The following EPHB6 variants were observed in gnomAD, a reference collection of about 807,000 sequenced individuals.
The protein encoded by EPHB6 is EPH receptor B6, also known as ephrin type-B receptor 6.
Under a neutral mutation model 107.0 loss-of-function variants are expected in EPHB6, and 51 were observed. The ratio of observed to expected loss-of-function variants is 0.48; its 90% CI spans 0.38 to 0.60. The LOEUF (loss-of-function observed/expected upper bound fraction) is 0.60, where lower values mean the gene tolerates loss of function less well. Among genes scored for constraint, EPHB6 ranks in the 20% least tolerant of loss-of-function variants. The probability of loss-of-function intolerance (pLI) is 0.00; values close to 1 mark genes in which losing one functional copy is unlikely to be tolerated. For missense variants in EPHB6, 1,141 were observed against 1,355.5 expected (o/e 0.84, Z 2.48); for synonymous variants, 553 against 549.0 (o/e 1.01, Z -0.10).
Position 142,869,974 on chromosome 7 carries a change from C to T in EPHB6, c.2610+8C>T, listed in dbSNP as rs919228310. ...GACATGAGTGAGCAGGAGGTGAGCA[C>T]TGACCTAGACACTGCTGATTTCCCA... On this transcript the variant is annotated splice_region_variant and intron_variant, in intron 17 of 19. Transcript: ENST00000652003. The surrounding 1 kb of genome is among the most constrained non-coding windows in gnomAD (Gnocchi z 4.5). 4 of 1,614,026 alleles carry T rather than the reference C, an allele frequency of 2.5e-6. No homozygotes were observed. The highest frequency in any genetic ancestry group is 1.3e-5 in the African/African-American group (1 of 74,892).
chr7:142,867,779 T>A lies in EPHB6; in HGVS notation c.1865+57T>A. 1 of 1,524,644 alleles carries A rather than the reference T, an allele frequency of 6.6e-7. No homozygotes were observed. The highest frequency in any genetic ancestry group is 8.9e-7 in the Non-Finnish European group (1 of 1,121,646). The allele number at this position is 1,524,644 out of a possible 1,614,324, so 94.4% of individuals were successfully genotyped here. ...GCACCATTAACTCCACAGCCAAACC[T>A]CAAGTCCTGCCAAGTCTGGAGCCCC... On this transcript the variant is annotated intron_variant, in intron 12 of 19. Transcript: ENST00000652003. The surrounding 1 kb of genome is among the most constrained non-coding windows in gnomAD (Gnocchi z 5.3).
chr7:142,859,117 G>T (rs1251523219), intron 1 of EPHB6, among the ~76,000 whole-genome samples: 1 of 145,338 alleles, frequency 6.9e-6, no homozygotes, highest in African/African-American at 2.5e-5. Context: ...GCACATTCTT[G>T]TGTTAGAGAA....
Position 142,866,072 on chromosome 7 carries a change from C to G in EPHB6, c.1218C>G (p.Val406=), listed in dbSNP as rs201397299. Residue 406 remains valine, a synonymous_variant, in exon 9 of 20, where the codon GTC becomes GTG. Transcript: ENST00000652003. This position sits in a 1 kb window ranked among gnomAD's most constrained non-coding sequence, Gnocchi z 5.2. ...LGGRGDLLFN[V]VCKECEGRQE... ...GTCGAGGGGACCTGCTCTTCAATGT[C>G]GTGTGCAAGGAGTGTGAAGGCCGCC... is the stretch of plus-strand genomic sequence containing the variant. 1 of 1,611,508 alleles carries G rather than the reference C, an allele frequency of 6.2e-7. No homozygotes were observed. The highest frequency in any genetic ancestry group is 1.1e-5 in the South Asian group (1 of 90,710).
chr7:142,868,631 G>A lies in EPHB6; in HGVS notation c.2178G>A (p.Gln726=), dbSNP rs767814301. The A allele has an allele frequency of 5.0e-6, 8 of 1,613,766 alleles. No homozygotes were observed. The African/African-American group carries it at 9.3e-5, about 19-fold the overall frequency. The change falls in exon 15 of 20, where the codon CAG becomes CAA. Residue 726 remains glutamine, a synonymous_variant. Transcript: ENST00000652003. This position sits in a 1 kb window ranked among gnomAD's most constrained non-coding sequence, Gnocchi z 4.2. ...TFLGRAAVLG[Q]FQHPNILRLE... The stretch of plus-strand genomic sequence containing the variant: ...TGGGCCGGGCCGCAGTGCTGGGTCA[G>A]TTCCAGCACCCCAACATCCTGCGGC...
Position 142,868,174 on chromosome 7 carries a change from A to C in EPHB6, c.1919-67A>C. The C allele has an allele frequency of 6.2e-7, 1 of 1,614,012 alleles. No individual in the cohort carries two copies. Among genetic ancestry groups the C allele is most frequent in the Non-Finnish European group, 8.5e-7 (1 of 1,179,958 alleles). ...CACAACCTTCTGGAGGTAAGTGGGC[A>C]TGTCTGGGGTGCGCGGGCAGCCCTG... On this transcript the variant is annotated intron_variant, in intron 13 of 19. Coordinates refer to ENST00000652003, the MANE Select transcript of EPHB6 (RefSeq NM_004445.6). The surrounding 1 kb of genome is among the most constrained non-coding windows in gnomAD (Gnocchi z 4.2).
At position 142,866,611 on chromosome 7, in the gene EPHB6, CAGG is replaced by C. The variant is rs751872238; in HGVS notation, c.1587+12_1587+14del. ...AGCTCCGCTACTATGACCAGGTGCG[CAGG>C]AGGAGTGGGGGTTCCGCAGTAGGGC... On this transcript the variant is annotated splice_region_variant and intron_variant, in intron 10 of 19. Coordinates refer to ENST00000652003, the MANE Select transcript of EPHB6 (RefSeq NM_004445.6). This position sits in a 1 kb window ranked among gnomAD's most constrained non-coding sequence, Gnocchi z 5.2. 1 of 1,613,934 alleles carries C rather than the reference CAGG, an allele frequency of 6.2e-7. No homozygotes were observed. The highest frequency in any genetic ancestry group is 1.7e-5 in the Admixed American group (1 of 60,020).
Position 142,866,467 on chromosome 7 carries a change from CT to C in EPHB6, c.1463-10del, listed in dbSNP as rs1249181368. 1.2e-6 allele frequency: 2 copies of C among 1,613,930 alleles called. No homozygotes were observed. Among genetic ancestry groups the C allele is most frequent in the African/African-American group, 2.7e-5 (2 of 74,914 alleles). ...GACTCCTATCCCCATAATAATTTTC[CT>C]TTTGCACTCTAGTGCCCTCTGCTGT... On this transcript the variant is annotated splice_polypyrimidine_tract_variant and intron_variant, in intron 9 of 19. Coordinates refer to ENST00000652003, the MANE Select transcript of EPHB6 (RefSeq NM_004445.6). The surrounding 1 kb of genome is among the most constrained non-coding windows in gnomAD (Gnocchi z 5.2).
Position 142,866,733 on chromosome 7 carries a change from A to C in EPHB6, c.1587+128A>C. ...CGCAACAGGGCTGGCAGGAGCTCAC[A>C]GTCCCCACAGTAGGGGCCAGAGGCT... On this transcript the variant is annotated intron_variant, in intron 10 of 19. Transcript: ENST00000652003. The surrounding 1 kb of genome is among the most constrained non-coding windows in gnomAD (Gnocchi z 5.2). The C allele has an allele frequency of 6.3e-7, 1 of 1,585,722 alleles. No homozygotes were observed. Among genetic ancestry groups the C allele is most frequent in the Non-Finnish European group, 8.6e-7 (1 of 1,159,316 alleles).
At position 142,863,110 on chromosome 7, in the gene EPHB6, C is replaced by T. The variant is rs1802922473; in HGVS notation, c.-101-17C>T. 2 of 797,716 alleles carry T rather than the reference C, an allele frequency of 2.5e-6. No homozygotes were observed. Among genetic ancestry groups the T allele is most frequent in the Non-Finnish European group, 4.1e-6 (2 of 482,704 alleles). The allele number at this position is 797,716 out of a possible 1,614,324, so 49.4% of individuals were successfully genotyped here. On this transcript the variant is annotated splice_polypyrimidine_tract_variant and intron_variant, in intron 4 of 19. Coordinates refer to ENST00000652003, the MANE Select transcript of EPHB6 (RefSeq NM_004445.6). The stretch of plus-strand genomic sequence containing the variant: ...TTTCTTCCCACCTGCCTCTTCTGGT[C>T]TTGTGTGTCTCCTCAGGAAGCAAGC...
In EPHB6 at chr7:142,867,977, G is replaced by A. The variant is rs1231509683; in HGVS notation, c.1866-20G>A. 1 of 1,563,598 alleles carries A rather than the reference G, an allele frequency of 6.4e-7. No individual in the cohort carries two copies. The highest frequency in any genetic ancestry group is 2.1e-4 in the Middle Eastern group (1 of 4,734). On this transcript the variant is annotated intron_variant, in intron 12 of 19. Coordinates refer to ENST00000652003, the MANE Select transcript of EPHB6 (RefSeq NM_004445.6). This position sits in a 1 kb window ranked among gnomAD's most constrained non-coding sequence, Gnocchi z 5.3. ...GGTGGAAATGGGAGCGTCATCCCCA[G>A]TCACCGTTTTGTTCCTCAGGAAGCG...
Position 142,866,515 on chromosome 7 carries a change from C to T in EPHB6, c.1497C>T (p.Ser499=), listed in dbSNP as rs2116448862. Residue 499 remains serine (S), a synonymous_variant, in exon 10 of 20, where the codon AGC becomes AGT. Transcript: ENST00000652003. This position sits in a 1 kb window ranked among gnomAD's most constrained non-coding sequence, Gnocchi z 5.2. ...CTGTCCCTGTGGTGCACCAGGTGAG[C>T]CGGGCATCCAACAGCATCACGGTGT... ...PSAVPVVHQV[S]RASNSITVSW... is the part of the protein sequence containing the mutation. 5 of 1,614,178 alleles carry T rather than the reference C, an allele frequency of 3.1e-6. No individual in the cohort carries two copies. The highest frequency in any genetic ancestry group is 4.2e-6 in the Non-Finnish European group (5 of 1,180,034).
intron 1 of EPHB6, among the ~76,000 whole-genome samples, chr7:142,856,080 A>T (rs1563332347): frequency 6.6e-6 from 1 of 152,304 alleles, no homozygotes; most frequent in East Asian, 1.9e-4. Flanking sequence ...GCATGGACCC[A>T]GCATAGCAAT....
chr7:142,856,230 A>G (rs1259072184), intron 1 of EPHB6, among the ~76,000 whole-genome samples: 4 of 152,138 alleles, frequency 2.6e-5, no homozygotes, highest in Non-Finnish European at 5.9e-5. Context: ...GACCAGTGGG[A>G]GGGAGCTGTG....
Position 142,868,863 on chromosome 7 carries a change from AT to A in EPHB6, c.2287-107del. On this transcript the variant is annotated intron_variant, in intron 15 of 19. Transcript: ENST00000652003. The surrounding 1 kb of genome is among the most constrained non-coding windows in gnomAD (Gnocchi z 4.2). ...TGGTCTCCGTCCTTCCTTCCCAGCCATTTTCTGATTCGACACCCTCCCGCTC... is the reference window on the plus strand; with the variant it reads ...TGGTCTCCGTCCTTCCTTCCCAGCCATTTCTGATTCGACACCCTCCCGCTC... 1 of 1,594,126 alleles carries A rather than the reference AT, an allele frequency of 6.3e-7. No individual in the cohort carries two copies. The highest frequency in any genetic ancestry group is 1.3e-5 in the African/African-American group (1 of 74,618).
intron 5 of EPHB6, 50 bp from the exon 6 acceptor site, chr7:142,863,581 A>T (rs1802954373): frequency 6.3e-7 from 1 of 1,593,088 alleles, no homozygotes; most frequent in African/African-American, 1.3e-5. Context: ...AGGGGCTGGC[A>T]GTGCTGGCTG....
At position 142,867,075 on chromosome 7, in the gene EPHB6, G is replaced by A. The variant is rs757169289; in HGVS notation, c.1750+7G>A. On this transcript the variant is annotated splice_region_variant and intron_variant, in intron 11 of 19. Coordinates refer to ENST00000652003, the MANE Select transcript of EPHB6 (RefSeq NM_004445.6). This position sits in a 1 kb window ranked among gnomAD's most constrained non-coding sequence, Gnocchi z 5.3. ...TTCCAGACACTTCCTCAAGGTGAGC[G>A]GGGGTCAAGGGCCAGATGGGCAGGT... is the stretch of plus-strand genomic sequence containing the variant. 1.1e-5 allele frequency: 17 copies of A among 1,611,644 alleles called. No individual in the cohort carries two copies. Among genetic ancestry groups the A allele is most frequent in the Middle Eastern group, 1.6e-4 (1 of 6,064 alleles).
chr7:142,868,653 C>A lies in EPHB6; in HGVS notation c.2200C>A (p.Arg734=), dbSNP rs143932854. ...TCAGTTCCAGCACCCCAACATCCTGCGGCTGGAGGGCGTGGTCACCAAGAG... is the reference window on the plus strand; with the variant it reads ...TCAGTTCCAGCACCCCAACATCCTGAGGCTGGAGGGCGTGGTCACCAAGAG... The part of the protein sequence containing the change: ...LGQFQHPNIL[R]LEGVVTKSRP... The change falls in exon 15 of 20, where the codon CGG becomes AGG. Residue 734 remains arginine (R), a synonymous_variant. Transcript: ENST00000652003. The surrounding 1 kb of genome is among the most constrained non-coding windows in gnomAD (Gnocchi z 4.2). 1.2e-5 allele frequency: 20 copies of A among 1,613,790 alleles called. No homozygotes were observed. The highest frequency in any genetic ancestry group is 1.7e-5 in the Non-Finnish European group (20 of 1,180,028).
intron 1 of EPHB6, among the ~76,000 whole-genome samples, chr7:142,856,116 T>C (rs1316763648): frequency 6.6e-6 from 1 of 152,208 alleles, no homozygotes; most frequent in Non-Finnish European, 1.5e-5. Context: ...GCAGCGCCCA[T>C]GGAGCGGAGC....
chr7:142,856,991 C>T (rs924773820), intron 1 of EPHB6, among the ~76,000 whole-genome samples: 5 of 152,242 alleles, frequency 3.3e-5, no homozygotes, highest in Non-Finnish European at 5.9e-5. Flanking sequence ...GGGCTTTCTT[C>T]CACAACCTTC....
Sources: gnomAD v4.1 joint callset for allele counts (sites outside exome capture counted in the v4.1 genomes callset) on GRCh38, gnomAD v4.1.1 for gene constraint, Gnocchi (gnomAD v3.1) non-coding constraint, MANE v1.5 for transcripts, NCBI Gene and HGNC (gene_info 2026-07-23, HGNC 2026-07-21) for gene names.